The following ZNF554 variants were observed in gnomAD, a reference collection of about 807,000 sequenced individuals.
ZNF554 encodes the protein zinc finger protein 554.
Under a neutral mutation model 21.2 loss-of-function variants are expected in ZNF554, and 15 were observed. The observed-to-expected ratio is 0.71, with a 90% CI of 0.47 to 1.09. ZNF554 has a LOEUF of 1.09. Among genes scored for constraint, ZNF554 ranks in the 50% least tolerant of loss-of-function variants. The pLI is 0.00. For missense variants in ZNF554, 691 were observed against 662.7 expected, an observed-to-expected ratio of 1.04 and a Z score of -0.47; for synonymous variants, 258 against 251.4, an observed-to-expected ratio of 1.03 and a Z score of -0.25.
chr19:2,831,338 A>G (rs1417033810), intron 3 of ZNF554: 1 of 147,756 alleles, frequency 6.8e-6, no homozygotes, highest in Non-Finnish European at 1.5e-5. Flanking sequence ...TCTGTCGCCC[A>G]TGCTGGAATG....
intron 2 of ZNF554, among the ~76,000 whole-genome samples, chr19:2,824,409 A>G (rs1487238454): frequency 6.6e-6 from 1 of 152,204 alleles, no homozygotes; most frequent in Non-Finnish European, 1.5e-5. Context: ...TGGAGTGTGC[A>G]GCCCCGGTGG....
chr19:2,830,091 A>AT (rs1176547104), intron 3 of ZNF554, among the ~76,000 whole-genome samples: 2 of 152,022 alleles, frequency 1.3e-5, no homozygotes, highest in African/African-American at 4.8e-5. Context: ...TGCCCGGCTA[A>AT]TTTTTTAATA....
chr19:2,826,664 C>CTT (rs57117616), intron 2 of ZNF554, among the ~76,000 whole-genome samples: 6 of 140,906 alleles, frequency 4.3e-5, no homozygotes, highest in Admixed American at 7.2e-5. Flanking sequence ...GCAGATTCCT[C>CTT]TTTTTTTTTT....
Position 2,835,885 on chromosome 19 carries a change from C to G in ZNF554, c.*1033C>G, listed in dbSNP as rs566773528. The stretch of plus-strand genomic sequence containing the variant: ...TGTTGCTGAGGCTGAAGTGCAGTGG[C>G]GTGATCATAGCTCCCTGTAGTCAGC... On this transcript the variant is annotated 3_prime_UTR_variant, in exon 5 of 5. Coordinates refer to ENST00000317243, the MANE Select transcript of ZNF554 (RefSeq NM_001102651.2). The G allele has an allele frequency of 6.6e-6, 1 of 152,164 alleles. No individual in the cohort carries two copies. The highest frequency in any genetic ancestry group is 1.9e-4 in the East Asian group (1 of 5,192). 9.4% of individuals were successfully genotyped at this position (152,164 alleles called of 1,614,324 possible).
At position 2,821,773 on chromosome 19, in the gene ZNF554, T is replaced by TCTC. The variant is rs1209232497; in HGVS notation, c.54-1265_54-1264insCCT. ...TCTCTACCCCACAGGATCAAGCAAT[T>TCTC]CTGCCTCAGCCTCTCGAGTAGCTGG... On this transcript the variant is annotated intron_variant, in intron 1 of 4. Transcript: ENST00000317243. This position sits in a 1 kb window ranked among gnomAD's most constrained non-coding sequence, Gnocchi z 8.2. Among the ~76,000 whole-genome samples, 2 of 151,854 alleles carry TCTC rather than the reference T, an allele frequency of 1.3e-5. No individual in the cohort carries two copies. Among genetic ancestry groups the TCTC allele is most frequent in the Non-Finnish European group, 2.9e-5 (2 of 67,960 alleles).
intron 2 of ZNF554, 48 bp from the exon 3 acceptor site, chr19:2,827,569 G>C (rs201930815): frequency 8.9e-6 from 14 of 1,580,688 alleles, no homozygotes; most frequent in South Asian, 3.5e-5. Context: ...TCCCATGAAC[G>C]TGGGTGGCGA....
At chr19:2,822,610 C>T (rs978395980) in intron 1 of ZNF554, among the ~76,000 whole-genome samples, 1 of 152,030 alleles carries the variant, frequency 6.6e-6, no homozygotes, top group Non-Finnish European at 1.5e-5. Context: ...ATGTGTGTGG[C>T]GTCTCACACC....
At position 2,836,254 on chromosome 19, in the gene ZNF554, TGAGCCACTGTGCTGGGATTACGGGCGC is replaced by T. The variant is rs1405300247; in HGVS notation, c.*1424_*1450del. On this transcript the variant is annotated 3_prime_UTR_variant, in exon 5 of 5. Coordinates refer to ENST00000317243, the MANE Select transcript of ZNF554 (RefSeq NM_001102651.2). ...AGCCACCGTGCTGGGATTACGGGCG[TGAGCCACTGTGCTGGGATTACGGGCGC>T]GAGCCACTGTGCTGGGATTACAGGT... Among the ~76,000 whole-genome samples, 19 of 150,352 alleles carry T rather than the reference TGAGCCACTGTGCTGGGATTACGGGCGC, an allele frequency of 1.3e-4. No homozygotes were observed. Among genetic ancestry groups the T allele is most frequent in the Middle Eastern group, 3.4e-3 (1 of 294 alleles).
At chr19:2,829,381 G>C (rs2087381650) in intron 3 of ZNF554, among the ~76,000 whole-genome samples, 1 of 149,566 alleles carries the variant, frequency 6.7e-6, no homozygotes, top group African/African-American at 2.5e-5. Flanking sequence ...TACAGCAGTG[G>C]CTCACGCCTG....
Position 2,821,105 on chromosome 19 carries a change from T to C in ZNF554, c.53+981T>C, listed in dbSNP as rs11669817. Among the ~76,000 whole-genome samples the C allele has an allele frequency of 0.11, 16,013 of 151,430 alleles. 1,422 individuals carry two copies. Among genetic ancestry groups the C allele is most frequent in the South Asian group, 0.23 (1,097 of 4,802 alleles). ...GTTTCTTTTTCTTCTTCTTTTTTTT[T>C]TCTTGAGACAGTCTCGCCCTATTGC... On this transcript the variant is annotated intron_variant, in intron 1 of 4. Coordinates refer to ENST00000317243, the MANE Select transcript of ZNF554 (RefSeq NM_001102651.2). This position sits in a 1 kb window ranked among gnomAD's most constrained non-coding sequence, Gnocchi z 8.2.
chr19:2,836,266 CTGGGATTACGGGCGCGAGCCACT>C lies in ZNF554; in HGVS notation c.*1415_*1437del, dbSNP rs1218513115. 2.7e-4 allele frequency among the ~76,000 whole-genome samples: 41 copies of C among 151,724 alleles called. No individual in the cohort carries two copies. Among genetic ancestry groups the C allele is most frequent in the East Asian group, 2.3e-3 (12 of 5,116 alleles). On this transcript the variant is annotated 3_prime_UTR_variant, in exon 5 of 5. Coordinates refer to ENST00000317243, the MANE Select transcript of ZNF554 (RefSeq NM_001102651.2). The stretch of plus-strand genomic sequence containing the variant: ...GGGATTACGGGCGTGAGCCACTGTG[CTGGGATTACGGGCGCGAGCCACT>C]GTGCTGGGATTACAGGTGTGAGCCA...
rs1447665553 is a variant in ZNF554, at chr19:2,836,545, C to T, written c.*1693C>T. Among the ~76,000 whole-genome samples the T allele has an allele frequency of 3.9e-5, 6 of 152,286 alleles. No individual in the cohort carries two copies. The South Asian group carries it at 6.2e-4, about 16-fold the overall frequency. ...TCAAAATAGTACTAGTAATTTGATC[C>T]ATTCACAAAAGGACAAAGGCTGGAC... On this transcript the variant is annotated 3_prime_UTR_variant, in exon 5 of 5. Coordinates refer to ENST00000317243, the MANE Select transcript of ZNF554 (RefSeq NM_001102651.2).
chr19:2,831,017 C>T (rs2087409041), intron 3 of ZNF554: 2 of 152,230 alleles, frequency 1.3e-5, no homozygotes, highest in African/African-American at 4.8e-5. Context: ...CCACCTACTT[C>T]CGCTTCCCAA....
intron 2 of ZNF554, among the ~76,000 whole-genome samples, chr19:2,824,761 A>G (rs1335871885): frequency 6.6e-6 from 1 of 152,208 alleles, no homozygotes; most frequent in Non-Finnish European, 1.5e-5. Flanking sequence ...TGCACAGCTC[A>G]ATGGCATTAA....
intron 3 of ZNF554, among the ~76,000 whole-genome samples, chr19:2,830,034 C>T (rs2087392762): frequency 6.6e-6 from 1 of 152,194 alleles, no homozygotes; most frequent in Non-Finnish European, 1.5e-5. Flanking sequence ...ACGCCATTCT[C>T]CTGCCTCAGC....
At chr19:2,826,048 C>A (rs2087327416) in intron 2 of ZNF554, among the ~76,000 whole-genome samples, 2 of 150,668 alleles carry the variant, frequency 1.3e-5, no homozygotes, top group South Asian at 4.2e-4. Context: ...TTACAGGCAC[C>A]CGTCACCACG....
chr19:2,827,588 T>C (rs774707033), intron 2 of ZNF554, 29 bp from the exon 3 acceptor site: 1 of 1,603,834 alleles, frequency 6.2e-7, no homozygotes, highest in Admixed American at 1.7e-5. Context: ...GATGGACCCA[T>C]CTTGAGCAGA....
chr19:2,822,891 TG>T (rs2087281301), intron 1 of ZNF554, 148 bp from the exon 2 acceptor site: 1 of 659,164 alleles, frequency 1.5e-6, no homozygotes. Context: ...ACACAAACCC[TG>T]GCTTCAGTCC....
Position 2,833,804 on chromosome 19 carries a change from A to G in ZNF554, c.569A>G (p.Glu190Gly), listed in dbSNP as rs867168. 319,155 of 1,611,286 alleles carry G rather than the reference A, an allele frequency of 0.2. 37,304 individuals are homozygous for G. The highest frequency in any genetic ancestry group is 0.48 in the East Asian group (21,687 of 44,798). The change falls in exon 5 of 5, where the codon GAG becomes GGG. Residue 190 changes from glutamate to glycine, a missense_variant. Physicochemically the swap from Glu to Gly is moderately conservative, Grantham distance 98. Transcript: ENST00000317243. ...IREDGGWKQL[E>G]DSHEDPQGLL... Reference sequence around the variant, plus strand: ...GAAGATGGGGGATGGAAGCAGTTAGAGGACAGCCATGAAGACCCCCAGGGG... The same window carrying G: ...GAAGATGGGGGATGGAAGCAGTTAGGGGACAGCCATGAAGACCCCCAGGGG...
Sources: gnomAD v4.1 joint callset for allele counts (sites outside exome capture counted in the v4.1 genomes callset) on GRCh38, gnomAD v4.1.1 for gene constraint, Gnocchi (gnomAD v3.1) non-coding constraint, MANE v1.5 for transcripts, NCBI Gene and HGNC (gene_info 2026-07-23, HGNC 2026-07-21) for gene names.